Variants in TBC1D22A observed in about 807,000 individuals in gnomAD.
TBC1D22A encodes putative GTPase activator.
Under a neutral mutation model 60.2 loss-of-function variants are expected in TBC1D22A, and 38 were observed. That is an observed-to-expected ratio of 0.63 (90% confidence interval 0.49 to 0.83). The LOEUF (loss-of-function observed/expected upper bound fraction) is 0.83, where lower values mean the gene tolerates loss of function less well. TBC1D22A is among the 40% of genes least tolerant of loss of function. The pLI is 0.00. For missense variants in TBC1D22A, 628 were observed against 701.0 expected (o/e 0.90, Z 1.18); for synonymous variants, 302 against 281.7 (o/e 1.07, Z -0.72).
In TBC1D22A at chr22:46,797,483, C is replaced by T; in HGVS notation, c.500C>T (p.Ser167Phe). 1 of 1,613,566 alleles carries T rather than the reference C, an allele frequency of 6.2e-7. No homozygotes were observed. The highest frequency in any genetic ancestry group is 8.5e-7 in the Non-Finnish European group (1 of 1,179,988). Residue 167 changes from serine to phenylalanine, a missense_variant, in exon 4 of 13, where the codon TCT becomes TTT. By Grantham distance (155) the Ser-to-Phe change is radical. Transcript: ENST00000337137. Reference protein sequence around the residue: ...SDAAPLQRSQSLPHSATVTLG... With the variant: ...SDAAPLQRSQFLPHSATVTLG... ...GCCGCCCCTCTGCAGAGGTCCCAGT[C>T]TCTCCCACACTCGGCCACCGTCACG...
chr22:46,844,009 G>A (rs1053903836), intron 4 of TBC1D22A, among the ~76,000 whole-genome samples: 29 of 151,682 alleles, frequency 1.9e-4, no homozygotes, highest in South Asian at 6.3e-4. Context: ...GGGGTTGTTC[G>A]GTCTTGAGGG....
At chr22:47,052,952 T>G (rs2063276454) in intron 11 of TBC1D22A, among the ~76,000 whole-genome samples, 1 of 152,246 alleles carries the variant, frequency 6.6e-6, no homozygotes, top group Non-Finnish European at 1.5e-5. Flanking sequence ...GCCACGCAGC[T>G]GTGACATGCT....
At chr22:46,891,106 T>C (rs908475994) in intron 5 of TBC1D22A, among the ~76,000 whole-genome samples, 160 bp from the exon 6 acceptor site, 1 of 151,380 alleles carries the variant, frequency 6.6e-6, no homozygotes, top group Non-Finnish European at 1.5e-5. Context: ...TGACCTCCTC[T>C]GTGTGTGTTT....
At chr22:46,792,977 AGT>A (rs1457078747) in intron 2 of TBC1D22A, among the ~76,000 whole-genome samples, 3 of 152,232 alleles carry the variant, frequency 2.0e-5, no homozygotes, top group African/African-American at 7.2e-5. Flanking sequence ...GGGAGCGCAG[AGT>A]GTGGGGCTTG....
intron 12 of TBC1D22A, among the ~76,000 whole-genome samples, chr22:47,144,325 G>A (rs531739183): frequency 2.2e-4 from 34 of 152,272 alleles, no homozygotes; most frequent in African/African-American, 6.7e-4. Flanking sequence ...AGAGGACGGC[G>A]TCCAACCGGA....
intron 11 of TBC1D22A, among the ~76,000 whole-genome samples, chr22:47,040,807 T>C (rs913965319): frequency 3.9e-5 from 6 of 152,184 alleles, no homozygotes; most frequent in Non-Finnish European, 8.8e-5. Flanking sequence ...TAAATCCCGG[T>C]GACTTCTTCC....
intron 8 of TBC1D22A, among the ~76,000 whole-genome samples, chr22:46,963,607 C>T (rs888566038): frequency 4.6e-5 from 7 of 152,208 alleles, no homozygotes; most frequent in African/African-American, 1.7e-4. Flanking sequence ...GAAGGCTCTT[C>T]CTTTCTTTTC....
At chr22:46,906,543 G>A (rs1329993177) in intron 7 of TBC1D22A, among the ~76,000 whole-genome samples, 1 of 152,210 alleles carries the variant, frequency 6.6e-6, no homozygotes, top group African/African-American at 2.4e-5. Flanking sequence ...GATGGCAGGC[G>A]CGGGAGCACT....
At chr22:47,120,515 C>T (rs1206995103) in intron 12 of TBC1D22A, among the ~76,000 whole-genome samples, 5 of 152,190 alleles carry the variant, frequency 3.3e-5, no homozygotes, top group African/African-American at 9.7e-5. Context: ...CTAGTGTTTG[C>T]CCTGAAGGTG....
At chr22:46,900,763 G>A (rs1005553189) in intron 7 of TBC1D22A, among the ~76,000 whole-genome samples, 6 of 152,164 alleles carry the variant, frequency 3.9e-5, no homozygotes, top group African/African-American at 7.2e-5. Context: ...CCGTATGGCC[G>A]TACCACAGTG....
intron 12 of TBC1D22A, among the ~76,000 whole-genome samples, chr22:47,152,355 C>T (rs1472977358): frequency 1.3e-5 from 2 of 152,238 alleles, no homozygotes; most frequent in Non-Finnish European, 1.5e-5. Flanking sequence ...CCCCTGGCCC[C>T]TGGGGGCACC....
At chr22:47,072,737 C>T (rs1197729649) in intron 11 of TBC1D22A, among the ~76,000 whole-genome samples, 2 of 152,238 alleles carry the variant, frequency 1.3e-5, no homozygotes, top group South Asian at 2.1e-4. Context: ...GGTGTCCTGT[C>T]GGGCACACTT....
At chr22:46,893,644 C>T (rs530885984) in intron 6 of TBC1D22A, among the ~76,000 whole-genome samples, 3 of 152,304 alleles carry the variant, frequency 2.0e-5, no homozygotes, top group Admixed American at 6.5e-5. Flanking sequence ...GCAATTAGGC[C>T]GCCAGGACAC....
chr22:46,883,808 C>A (rs1388254986), intron 5 of TBC1D22A, among the ~76,000 whole-genome samples: 2 of 152,224 alleles, frequency 1.3e-5, no homozygotes, highest in Non-Finnish European at 2.9e-5. Context: ...CTGTTTCCGG[C>A]CTTGCCCCTA....
chr22:47,064,869 TAGTTG>T (rs2063701349), intron 11 of TBC1D22A, among the ~76,000 whole-genome samples: 1 of 152,268 alleles, frequency 6.6e-6, no homozygotes, highest in African/African-American at 2.4e-5. Flanking sequence ...TTCTTCTCTG[TAGTTG>T]ACAGTCCTTT....
intron 10 of TBC1D22A, among the ~76,000 whole-genome samples, chr22:47,017,003 C>T (rs141477204): frequency 1.8e-3 from 274 of 152,288 alleles, no homozygotes; most frequent in African/African-American, 5.9e-3. Flanking sequence ...TCGCCGATGG[C>T]GGCTTTTTCT....
In TBC1D22A at chr22:46,797,633, C is replaced by T. The variant is rs1439956456; in HGVS notation, c.637+13C>T. On this transcript the variant is annotated intron_variant, in intron 4 of 12. Coordinates refer to ENST00000337137, the MANE Select transcript of TBC1D22A (RefSeq NM_014346.5). ...AACACGGACCTTGGTAAGCACCCTG[C>T]CCTCTGGAGGACACACACAGACATT... is the stretch of plus-strand genomic sequence containing the variant. The T allele has an allele frequency of 6.3e-7, 1 of 1,589,362 alleles. No homozygotes were observed. Among genetic ancestry groups the T allele is most frequent in the Admixed American group, 1.8e-5 (1 of 55,434 alleles).
At chr22:47,164,372 C>G (rs1046774198) in intron 12 of TBC1D22A, among the ~76,000 whole-genome samples, 1 of 152,232 alleles carries the variant, frequency 6.6e-6, no homozygotes, top group African/African-American at 2.4e-5. Context: ...TTATGCATGT[C>G]CAGGGCAGCC....
At chr22:47,043,427 G>A (rs2062917379) in intron 11 of TBC1D22A, among the ~76,000 whole-genome samples, 1 of 152,204 alleles carries the variant, frequency 6.6e-6, no homozygotes, top group East Asian at 1.9e-4. Flanking sequence ...TGCTCCAGGT[G>A]AGAGACATAG....
Sources: gnomAD v4.1 joint callset for allele counts (sites outside exome capture counted in the v4.1 genomes callset) on GRCh38, gnomAD v4.1.1 for gene constraint, MANE v1.5 for transcripts, NCBI Gene and HGNC (gene_info 2026-07-23, HGNC 2026-07-21) for gene names.